The following PRH1 variants were observed in gnomAD, a reference collection of about 807,000 sequenced individuals.
The protein encoded by PRH1 is salivary acidic proline-rich phosphoprotein 1/2.
A neutral mutation model predicts 7.9 loss-of-function variants in PRH1; 7 were observed. The observed-to-expected ratio is 0.89, with a 90% CI of 0.50 to 1.67. The LOEUF (loss-of-function observed/expected upper bound fraction) is 1.67. Ranked by LOEUF, PRH1 falls within the 40% of genes most tolerant of loss-of-function variation. PRH1 has a pLI of 0.00. For synonymous variants in PRH1, 45 were observed against 80.8 expected (o/e 0.56, Z 2.38); for missense variants, 109 against 223.6 (o/e 0.49, Z 3.27).
chr12:11,073,913 C>T (rs1252377143), intron 1 of PRH1, among the ~76,000 whole-genome samples: 2 of 144,336 alleles, frequency 1.4e-5, no homozygotes, highest in Admixed American at 7.0e-5. Flanking sequence ...AATAAAAATG[C>T]AAGTGCAGAA....
intron 2 of PRH1, chr12:10,895,562 T>C (rs904598029): frequency 6.6e-6 from 1 of 152,066 alleles, no homozygotes. Context: ...CTTGAGGAAA[T>C]AGAAGACACT....
rs971962285 is a variant in PRH1, at chr12:10,964,801, G to C, written c.-59+8854C>G. ...ACAGGGACAGAGTAAAGGGTATTAA[G>C]TTTGCAAGCGTGGTTACAGTCATAT... is the stretch of plus-strand genomic sequence containing the variant. On this transcript the variant is annotated intron_variant, in intron 2 of 3. Transcript: ENST00000539853. The C allele has an allele frequency of 2.4e-5, 14 of 574,924 alleles. No individual in the cohort carries two copies. The African/African-American group carries it at 2.4e-4, about 10-fold the overall frequency. 35.6% of individuals were successfully genotyped at this position (574,924 alleles called of 1,614,324 possible).
rs1394422327 is a variant in PRH1 at position 11,093,877 on chromosome 12, G to A, written n.124-46689C>T. ...TCTTTCCATTTACCATGAGAATATC[G>A]CCTGGCTAGTACACTGTTCCCAGAA... On this transcript the variant is annotated intron_variant and non_coding_transcript_variant, in intron 1 of 4. Transcript: ENST00000541977. Among the ~76,000 whole-genome samples, 3 of 112,644 alleles carry A rather than the reference G, an allele frequency of 2.7e-5. 1 individual carries two copies. Among genetic ancestry groups the A allele is most frequent in the Non-Finnish European group, 2.1e-5 (1 of 47,930 alleles). 73.9% of individuals were successfully genotyped at this position (112,644 alleles called of 152,430 possible).
intron 1 of PRH1, among the ~76,000 whole-genome samples, chr12:11,005,236 A>G (rs1215273644): frequency 1.3e-5 from 2 of 152,134 alleles, no homozygotes; most frequent in Non-Finnish European, 2.9e-5. Flanking sequence ...ATAAGATGAA[A>G]TTTTTCATAC....
chr12:10,887,093 C>A (rs777189908), upstream of PRH1, among the ~76,000 whole-genome samples: 1 of 152,210 alleles, frequency 6.6e-6, no homozygotes, highest in Non-Finnish European at 1.5e-5. Context: ...CATGCCTCAG[C>A]TCTTTCACAC....
chr12:10,938,258 G>C, intron 2 of PRH1: 1 of 1,578,954 alleles, frequency 6.3e-7, no homozygotes, highest in Non-Finnish European at 8.6e-7. Context: ...ATATATTCAA[G>C]ATGATTCTCT....
At chr12:11,032,812 T>C (rs1388772683) in intron 1 of PRH1, among the ~76,000 whole-genome samples, 6 of 152,218 alleles carry the variant, frequency 3.9e-5, no homozygotes, top group Non-Finnish European at 8.8e-5. Context: ...ACTGACTACC[T>C]TGCCCCTGAA....
At chr12:10,995,614 T>C (rs1359975373) in intron 1 of PRH1, among the ~76,000 whole-genome samples, 1 of 152,128 alleles carries the variant, frequency 6.6e-6, no homozygotes, top group Non-Finnish European at 1.5e-5. Context: ...CCTCTTTAGA[T>C]TGAGCTTCTT....
intron 1 of PRH1, among the ~76,000 whole-genome samples, chr12:10,984,393 T>A (rs1233038690): frequency 6.6e-6 from 1 of 152,158 alleles, no homozygotes; most frequent in African/African-American, 2.4e-5. Flanking sequence ...AACCTCAAGT[T>A]GAAACCAGAA....
intron 2 of PRH1, among the ~76,000 whole-genome samples, chr12:10,941,847 A>G (rs4288845): frequency 0.1 from 15,903 of 152,162 alleles, 1,063 homozygotes; most frequent in Non-Finnish European, 0.15. Flanking sequence ...TCATTTGGGT[A>G]GGCTCTATCA....
chr12:11,083,514 T>TCATCATTGTGAAA (rs1944564296), intron 1 of PRH1, among the ~76,000 whole-genome samples: 2 of 35,544 alleles, frequency 5.6e-5, no homozygotes, highest in Non-Finnish European at 1.3e-4. Context: ...TTAAATATTT[T>TCATCATTGTGAAA]TATTATTGTG....
intron 1 of PRH1, among the ~76,000 whole-genome samples, chr12:11,130,754 ACT>A (rs2136356844): frequency 6.6e-6 from 1 of 152,226 alleles, no homozygotes; most frequent in South Asian, 2.1e-4. Flanking sequence ...GCTGAAGTAT[ACT>A]CTGTCTGAAA....
At chr12:10,908,433 C>T (rs745325047) in intron 2 of PRH1, 1 of 1,613,704 alleles carries the variant, frequency 6.2e-7, no homozygotes, top group African/African-American at 1.3e-5. Context: ...AAAGGCCTGT[C>T]TTAACTTAGC....
intron 1 of PRH1, among the ~76,000 whole-genome samples, chr12:11,066,547 C>T (rs67580335): frequency 0.43 from 32,830 of 75,940 alleles, 5,239 homozygotes; most frequent in Non-Finnish European, 0.55. Flanking sequence ...ACTCCTGTAA[C>T]TTTCCCACAA....
intron 1 of PRH1, among the ~76,000 whole-genome samples, chr12:11,161,620 C>A (rs1170211656): frequency 1.3e-5 from 2 of 151,668 alleles, no homozygotes; most frequent in Non-Finnish European, 2.9e-5. Flanking sequence ...GACTGGTTTG[C>A]AAATAAGAAT....
rs146999355 is a variant in PRH1, at chr12:11,112,138, T to C, written n.123+59284A>G. Among the ~76,000 whole-genome samples, 1,178 of 152,112 alleles carry C rather than the reference T, an allele frequency of 7.7e-3. 25 individuals carry two copies. The highest frequency in any genetic ancestry group is 0.027 in the African/African-American group (1,134 of 41,496). ...AATCCCTGAATAGACCAATAACAAG[T>C]TCTGAAACTGAGACAGTAATTAATA... On this transcript the variant is annotated intron_variant and non_coding_transcript_variant, in intron 1 of 4. Transcript: ENST00000541977.
intron 1 of PRH1, among the ~76,000 whole-genome samples, chr12:11,032,162 A>G (rs969751749): frequency 1.8e-4 from 28 of 152,244 alleles, no homozygotes; most frequent in Admixed American, 2.0e-4. Context: ...GTACGCAAAT[A>G]GGGACATATT....
At chr12:11,004,890 A>G (rs1940757725) in intron 1 of PRH1, among the ~76,000 whole-genome samples, 1 of 152,148 alleles carries the variant, frequency 6.6e-6, no homozygotes, top group Non-Finnish European at 1.5e-5. Flanking sequence ...AAAATAGTCT[A>G]TAAGTTTAAT....
intron 1 of PRH1, among the ~76,000 whole-genome samples, chr12:11,067,040 T>C (rs1943850941): frequency 1.3e-5 from 2 of 152,168 alleles, no homozygotes; most frequent in African/African-American, 4.8e-5. Context: ...AATAGCATCA[T>C]TAGCAAGCCA....
Sources: allele counts gnomAD v4.1 joint callset (sites outside exome capture counted in the v4.1 genomes callset), GRCh38; gene constraint gnomAD v4.1.1; transcripts MANE v1.5; gene names NCBI Gene and HGNC (gene_info 2026-07-23, HGNC 2026-07-21).